Variants in GPHN observed in about 807,000 individuals in gnomAD.
GPHN encodes gephyrin.
GPHN carries 17 observed loss-of-function variants against 95.5 expected under a neutral mutation model. That is an observed-to-expected ratio of 0.18 (90% CI 0.12 to 0.27). The LOEUF (loss-of-function observed/expected upper bound fraction) is 0.27. GPHN is among the 10% of genes least tolerant of loss of function. GPHN has a pLI of 1.00. For synonymous variants in GPHN, 320 were observed against 322.5 expected, an observed-to-expected ratio of 0.99 and a Z score of 0.08; for missense variants, 660 against 978.1, an observed-to-expected ratio of 0.67 and a Z score of 4.34.
At chr14:66,837,507 G>A (rs918514748) in intron 4 of GPHN, among the ~76,000 whole-genome samples, 2 of 149,834 alleles carry the variant, frequency 1.3e-5, no homozygotes, top group Admixed American at 6.7e-5. Flanking sequence ...TGACGAGTTA[G>A]TGGGTGCAGC....
At position 67,169,073 on chromosome 14, in the gene GPHN, C is replaced by G. The variant is rs200658858; in HGVS notation, c.2079+37C>G. ...TAATGACCAGAAACCAAAATGGAAG[C>G]CTGGTAACAGTTAGGGATATGATTT... On this transcript the variant is annotated intron_variant, in intron 21 of 22. Transcript: ENST00000478722. 5.0e-6 allele frequency: 6 copies of G among 1,205,370 alleles called. No homozygotes were observed. In the East Asian group the frequency reaches 1.4e-4, roughly 28 times the overall value. 74.7% of individuals were successfully genotyped at this position (1,205,370 alleles called of 1,614,324 possible).
intron 1 of GPHN, among the ~76,000 whole-genome samples, chr14:66,620,575 A>G (rs975902852): frequency 5.3e-5 from 8 of 152,192 alleles, no homozygotes; most frequent in Admixed American, 2.0e-4. Flanking sequence ...GTCACCTCCC[A>G]CCAGGTTCTT....
chr14:66,803,229 A>T (rs917788261), intron 3 of GPHN, among the ~76,000 whole-genome samples: 3 of 152,126 alleles, frequency 2.0e-5, no homozygotes, highest in African/African-American at 7.2e-5. Context: ...TCAGTGCCTC[A>T]AAATTGCCTG....
At chr14:67,726,907 G>A in the GPHN span, 1 of 1,342,072 alleles carries the variant, frequency 7.5e-7, no homozygotes, top group Admixed American at 1.7e-5. Context: ...TAACACTGAA[G>A]TCCTCTTGGC....
the GPHN span, among the ~76,000 whole-genome samples, chr14:67,547,590 T>G: frequency 6.6e-6 from 1 of 152,074 alleles, no homozygotes; most frequent in Non-Finnish European, 1.5e-5. Context: ...CAGCTGGCCC[T>G]GGGACATTAC....
intron 17 of GPHN, among the ~76,000 whole-genome samples, chr14:67,123,050 T>A (rs1567364944): frequency 6.6e-6 from 1 of 152,218 alleles, no homozygotes; most frequent in African/African-American, 2.4e-5. Context: ...GCTGCCTGGC[T>A]GTCTTTCAAA....
the GPHN span, chr14:67,587,248 C>A: frequency 6.2e-7 from 1 of 1,613,398 alleles, no homozygotes; most frequent in East Asian, 2.2e-5. Context: ...ATTTCTCCTA[C>A]CCGATTCCCC....
intron 1 of GPHN, among the ~76,000 whole-genome samples, chr14:66,573,608 C>T (rs1363953416): frequency 2.0e-5 from 3 of 152,028 alleles, no homozygotes; most frequent in Non-Finnish European, 2.9e-5. Flanking sequence ...AGGCGCCTGC[C>T]ACCACGCACG....
At chr14:66,678,781 G>A (rs2066765928) in intron 1 of GPHN, among the ~76,000 whole-genome samples, 1 of 152,056 alleles carries the variant, frequency 6.6e-6, no homozygotes, top group Admixed American at 6.6e-5. Flanking sequence ...AGAGTGTTTT[G>A]GCTTTGGTTC....
chr14:67,448,111 T>C, the GPHN span, among the ~76,000 whole-genome samples: 50 of 141,012 alleles, frequency 3.5e-4, 1 homozygote, highest in South Asian at 0.012. Context: ...TTTCTTACCA[T>C]AGCCCATTCT....
chr14:67,577,948 A>C, the GPHN span: 1 of 1,415,930 alleles, frequency 7.1e-7, no homozygotes, highest in Non-Finnish European at 9.7e-7. Context: ...GAGCCCTTGG[A>C]AAATGGCCAA....
At chr14:66,865,985 G>A (rs146267544) in intron 4 of GPHN, among the ~76,000 whole-genome samples, 308 of 152,192 alleles carry the variant, frequency 2.0e-3, no homozygotes, top group Non-Finnish European at 3.6e-3. Context: ...GTGTTTTTAC[G>A]TATGTGTGTG....
intron 10 of GPHN, among the ~76,000 whole-genome samples, chr14:67,039,665 A>T (rs1333994826): frequency 6.6e-6 from 1 of 152,102 alleles, no homozygotes; most frequent in Non-Finnish European, 1.5e-5. Context: ...GTGGTGGCAC[A>T]TGCTGTAGTC....
chr14:67,732,647 A>C, the GPHN span, among the ~76,000 whole-genome samples: 1 of 151,424 alleles, frequency 6.6e-6, no homozygotes, highest in African/African-American at 2.4e-5. Context: ...CGTGATCTCC[A>C]CTCACTGCAA....
At chr14:67,589,918 G>A in the GPHN span, 20 of 1,299,036 alleles carry the variant, frequency 1.5e-5, no homozygotes, top group Non-Finnish European at 2.0e-5. Flanking sequence ...AATATACTGA[G>A]TTAGATTTCC....
intron 4 of GPHN, among the ~76,000 whole-genome samples, chr14:66,838,618 T>C (rs1423970902): frequency 6.6e-6 from 1 of 152,118 alleles, no homozygotes; most frequent in East Asian, 1.9e-4. Flanking sequence ...CAACAAAATA[T>C]AAATAAATAT....
chr14:66,562,433 G>A (rs1952068), intron 1 of GPHN, among the ~76,000 whole-genome samples: 52,029 of 151,926 alleles, frequency 0.34, 13,469 homozygotes, highest in African/African-American at 0.71. Context: ...TGCATTATAA[G>A]TATATCCAAT....
chr14:67,686,374 C>G, the GPHN span: 1 of 151,608 alleles, frequency 6.6e-6, no homozygotes, highest in Admixed American at 6.6e-5. Context: ...CGTGGTGGCT[C>G]ACACCTATAA....
At chr14:66,797,713 T>C (rs1190965203) in intron 3 of GPHN, among the ~76,000 whole-genome samples, 3 of 151,934 alleles carry the variant, frequency 2.0e-5, no homozygotes, top group Non-Finnish European at 3.0e-5. Context: ...TCAGTTCTAA[T>C]AGTTTTCTTG....
Sources: gnomAD v4.1 joint callset for allele counts (sites outside exome capture counted in the v4.1 genomes callset) on GRCh38, gnomAD v4.1.1 for gene constraint, MANE v1.5 for transcripts, NCBI Gene and HGNC (gene_info 2026-07-23, HGNC 2026-07-21) for gene names.